The following MORC1 variants were observed in gnomAD, a reference collection of about 807,000 sequenced individuals.
MORC1 encodes the protein MORC family CW-type zinc finger 1.
MORC1 carries 59 observed loss-of-function variants against 134.9 expected under a neutral mutation model. The observed-to-expected ratio is 0.44, with a 90% CI of 0.35 to 0.54. The LOEUF is 0.54. Among genes scored for constraint, MORC1 ranks in the 20% least tolerant of loss-of-function variants. The pLI, the probability that MORC1 is intolerant of heterozygous loss-of-function variation, is 0.00. For synonymous variants in MORC1, 395 were observed against 391.7 expected (o/e 1.01, Z -0.10); for missense variants, 947 against 1,134.5 (o/e 0.83, Z 2.37).
At chr3:108,990,782 A>T (rs1948030988) in intron 21 of MORC1, among the ~76,000 whole-genome samples, 2 of 152,122 alleles carry the variant, frequency 1.3e-5, no homozygotes, top group South Asian at 4.1e-4. Context: ...AAGTAAAAAA[A>T]AATCAAGTCA....
intron 6 of MORC1, 77 bp downstream of exon 6, chr3:109,099,281 C>G (rs930144707): frequency 9.9e-7 from 1 of 1,012,342 alleles, no homozygotes; most frequent in African/African-American, 1.6e-5. Context: ...GAACCCATGA[C>G]AAGACTTCAC....
rs1950769033 is a variant in MORC1, at chr3:109,093,523, T to C, written c.602A>G (p.Tyr201Cys). The C allele has an allele frequency of 6.2e-7, 1 of 1,613,366 alleles. No individual in the cohort carries two copies. Among genetic ancestry groups the C allele is most frequent in the South Asian group, 1.1e-5 (1 of 91,030 alleles). ...TCCATTAAGCAGAAGCTTCAAGTTA[T>C]AAATAACCAGCAAAGTACCTGGTAG... is the stretch of plus-strand genomic sequence containing the variant. ...YGKCGTLLVIYNLKLLLNGEP... is the reference protein window; with the variant it reads ...YGKCGTLLVICNLKLLLNGEP... Residue 201 changes from tyrosine to cysteine, a missense_variant, in exon 8 of 28, where the codon TAT becomes TGT. Tyr to Cys is a radical substitution (Grantham distance 194). Coordinates refer to ENST00000232603, the MANE Select transcript of MORC1 (RefSeq NM_014429.4).
intron 3 of MORC1, chr3:109,110,468 C>A: frequency 2.9e-6 from 1 of 344,622 alleles, no homozygotes; most frequent in African/African-American, 2.1e-5. Flanking sequence ...AAAAATAAAA[C>A]TGTTTCTCAT....
At position 109,086,388 on chromosome 3, in the gene MORC1, T is replaced by A. The variant is rs147345787; in HGVS notation, c.689+7048A>T. On this transcript the variant is annotated intron_variant, in intron 8 of 27. Transcript: ENST00000232603. ...ACCAATATACTCTTTTAAAGTTATT[T>A]TTTTAAGTCGAGTTGATGGAGAAAG... Among the ~76,000 whole-genome samples, 511 of 152,150 alleles carry A rather than the reference T, an allele frequency of 3.4e-3. 12 individuals are homozygous for A. The highest frequency in any genetic ancestry group is 0.012 in the African/African-American group (490 of 41,494).
At chr3:109,040,485 A>AAAGGAAGGAAGG (rs762563463) in intron 14 of MORC1, among the ~76,000 whole-genome samples, 2 of 114,528 alleles carry the variant, frequency 1.7e-5, no homozygotes, top group South Asian at 3.1e-4. Flanking sequence ...AGAAAGAAAG[A>AAAGGAAGGAAGG]AAGGAAAGAA....
intron 9 of MORC1, among the ~76,000 whole-genome samples, chr3:109,066,499 C>T (rs1363088786): frequency 6.6e-6 from 1 of 152,128 alleles, no homozygotes; most frequent in Non-Finnish European, 1.5e-5. Context: ...CTTGGCCAGG[C>T]TGGTCTCAAA....
intron 21 of MORC1, among the ~76,000 whole-genome samples, chr3:108,989,581 C>T (rs1947990569): frequency 6.6e-6 from 1 of 152,170 alleles, no homozygotes; most frequent in Admixed American, 6.5e-5. Flanking sequence ...AATTTCATTG[C>T]TGTTAAGGAA....
chr3:108,982,306 G>C (rs1430807888), intron 23 of MORC1, among the ~76,000 whole-genome samples: 2 of 152,124 alleles, frequency 1.3e-5, no homozygotes, highest in African/African-American at 2.4e-5. Context: ...GTTGGTGGGA[G>C]TGTAAACTAG....
At chr3:109,076,702 T>C (rs1950429676) in intron 8 of MORC1, among the ~76,000 whole-genome samples, 2 of 152,046 alleles carry the variant, frequency 1.3e-5, no homozygotes. Flanking sequence ...CTGGAAACCA[T>C]CATCCTCAGC....
intron 21 of MORC1, among the ~76,000 whole-genome samples, chr3:108,990,599 A>C (rs1216416600): frequency 6.6e-6 from 1 of 151,916 alleles, no homozygotes; most frequent in East Asian, 1.9e-4. Flanking sequence ...TCTCCCTAAT[A>C]CTTGTCATTA....
intron 17 of MORC1, among the ~76,000 whole-genome samples, chr3:109,016,574 G>T (rs1189831519): frequency 6.6e-6 from 1 of 152,058 alleles, no homozygotes; most frequent in African/African-American, 2.4e-5. Flanking sequence ...ACATGAAAAA[G>T]GTCCCAGGCC....
intron 1 of MORC1, among the ~76,000 whole-genome samples, chr3:109,117,331 C>CAAAAAAAAAAAA (rs202128565): frequency 8.8e-6 from 1 of 113,636 alleles, no homozygotes; most frequent in Non-Finnish European, 1.8e-5. Context: ...CAAAAGATGT[C>CAAAAAAAAAAAA]AAAAAAAAAA....
chr3:109,077,644 A>G (rs945132239), intron 8 of MORC1, among the ~76,000 whole-genome samples: 1 of 152,108 alleles, frequency 6.6e-6, no homozygotes, highest in Non-Finnish European at 1.5e-5. Flanking sequence ...CCACAACTCA[A>G]TTATTATCAA....
chr3:109,068,869 T>C (rs917205524), intron 9 of MORC1, among the ~76,000 whole-genome samples: 12 of 152,284 alleles, frequency 7.9e-5, no homozygotes, highest in South Asian at 4.1e-4. Flanking sequence ...CCGGGCCTGG[T>C]GGGTGGCCAA....
chr3:109,111,485 G>A (rs1291541309), intron 2 of MORC1, among the ~76,000 whole-genome samples: 5 of 151,870 alleles, frequency 3.3e-5, no homozygotes, highest in Non-Finnish European at 7.4e-5. Flanking sequence ...TACTGATGAA[G>A]ACTGTTTTAA....
chr3:108,986,912 T>C lies in MORC1; in HGVS notation c.2225A>G (p.Gln742Arg), dbSNP rs1001706063. 1 of 1,578,210 alleles carries C rather than the reference T, an allele frequency of 6.3e-7. No individual in the cohort carries two copies. The highest frequency in any genetic ancestry group is 1.9e-5 in the Admixed American group (1 of 52,634). The change falls in exon 22 of 28, where the codon CAA becomes CGA. Residue 742 changes from glutamine to arginine, a missense_variant. Gln to Arg is a conservative substitution (Grantham distance 43). Around this residue, in one of 3 missense-constraint regions of MORC1, gnomAD observed 722 missense variants for 817.0 expected, o/e 0.88. Transcript: ENST00000232603. The stretch of plus-strand genomic sequence containing the variant: ...TAAAAGAGGAATTTCCTTTTTTTCT[T>C]GTTTCAATGAAACATCAGTGTTGCT... ...DKSNTDVSLK[Q>R]EKKEIPLLNQ...
intron 5 of MORC1, among the ~76,000 whole-genome samples, chr3:109,099,920 G>A (rs1017987930): frequency 6.6e-6 from 1 of 152,172 alleles, no homozygotes; most frequent in Non-Finnish European, 1.5e-5. Context: ...TATTATTTGG[G>A]AGAATTAACC....
chr3:108,986,158 G>T (rs1300676629), intron 22 of MORC1, among the ~76,000 whole-genome samples: 2 of 152,120 alleles, frequency 1.3e-5, no homozygotes, highest in Admixed American at 1.3e-4. Flanking sequence ...AAAAGAAGAT[G>T]AAGACAATGA....
In MORC1 at chr3:109,005,244, C is replaced by T. The variant is rs1040706618; in HGVS notation, c.1839G>A (p.Glu613=). 1 of 1,613,890 alleles carries T rather than the reference C, an allele frequency of 6.2e-7. No homozygotes were observed. The highest frequency in any genetic ancestry group is 8.5e-7 in the Non-Finnish European group (1 of 1,179,950). The change falls in exon 19 of 28, where the codon GAG becomes GAA. Residue 613 remains glutamate (E), a synonymous_variant. Transcript: ENST00000232603. ...TCTGTCCTCTACGGCTCGCTGAAAGCTCAAAGGATGAAAGAGATTCATGCT... is the reference window on the plus strand; with the variant it reads ...TCTGTCCTCTACGGCTCGCTGAAAGTTCAAAGGATGAAAGAGATTCATGCT... The part of the protein sequence containing the change: ...DLKHESLSSF[E]LSASRRGQKR...
Sources: gnomAD v4.1 joint callset for allele counts (sites outside exome capture counted in the v4.1 genomes callset) on GRCh38, gnomAD v4.1.1 for gene constraint, gnomAD v4.1.1 regional missense constraint, MANE v1.5 for transcripts, NCBI Gene and HGNC (gene_info 2026-07-23, HGNC 2026-07-21) for gene names.